The following MYO6 variants were observed in gnomAD, a reference collection of about 807,000 sequenced individuals.
The protein encoded by MYO6 is myosin VI, also known as unconventional myosin-VI.
In MYO6, 74 loss-of-function variants were observed where a neutral mutation model predicts 178.7. The ratio of observed to expected loss-of-function variants is 0.41; its 90% confidence interval spans 0.34 to 0.50. MYO6 has a LOEUF of 0.50. MYO6 is among the 20% of genes least tolerant of loss of function. The pLI is 0.09. For synonymous variants in MYO6, 477 were observed against 504.6 expected, an observed-to-expected ratio of 0.95 and a Z score of 0.73; for missense variants, 1,330 against 1,547.4, an observed-to-expected ratio of 0.86 and a Z score of 2.36.
At chr6:75,776,004 A>G (rs1368404456) in intron 1 of MYO6, among the ~76,000 whole-genome samples, 1 of 152,160 alleles carries the variant, frequency 6.6e-6, no homozygotes, top group Non-Finnish European at 1.5e-5. Flanking sequence ...TTCAAAATGG[A>G]GTTCCTGTGT....
At chr6:75,756,862 T>G (rs908537916) in intron 1 of MYO6, among the ~76,000 whole-genome samples, 1 of 149,564 alleles carries the variant, frequency 6.7e-6, no homozygotes, top group Non-Finnish European at 1.5e-5. Flanking sequence ...TAGATACTAA[T>G]GTGGAAAGAG....
intron 33 of MYO6, 28 bp from the exon 34 acceptor site, chr6:75,914,035 G>T (rs1419666967): frequency 3.2e-5 from 52 of 1,609,236 alleles, no homozygotes; most frequent in Non-Finnish European, 4.4e-5. Context: ...TGAGCTGCTG[G>T]TATAACTTTC....
At chr6:75,823,667 C>A (rs1772139513) in intron 3 of MYO6, among the ~76,000 whole-genome samples, 1 of 152,140 alleles carries the variant, frequency 6.6e-6, no homozygotes. Context: ...ATAAAACCCC[C>A]ATATGTAGAA....
At chr6:75,758,855 AATAC>A (rs1229516106) in intron 1 of MYO6, among the ~76,000 whole-genome samples, 2 of 151,844 alleles carry the variant, frequency 1.3e-5, no homozygotes, top group African/African-American at 4.8e-5. Flanking sequence ...AAAATGTATA[AATAC>A]ATGTTTGTAT....
At chr6:75,804,119 C>G (rs1769760249) in intron 1 of MYO6, among the ~76,000 whole-genome samples, 3 of 152,196 alleles carry the variant, frequency 2.0e-5, no homozygotes, top group Non-Finnish European at 4.4e-5. Flanking sequence ...GCTTTGAACT[C>G]TTGGACTCAA....
chr6:75,810,454 CT>C (rs1172793941), intron 1 of MYO6, among the ~76,000 whole-genome samples: 1 of 152,108 alleles, frequency 6.6e-6, no homozygotes, highest in Non-Finnish European at 1.5e-5. Flanking sequence ...TTTTGTCAGT[CT>C]TATGATCTCT....
rs754729803 is a variant in MYO6 at position 75,857,243 on chromosome 6, T to C, written c.1370T>C (p.Ile457Thr). ...TCCTATTTTATTGGAGTCCTAGATA[T>C]TGCTGGTTTTGGTAAGTAGAGTTTC... ...TSSYFIGVLDIAGFEYFEHNS... is the reference protein window; with the variant it reads ...TSSYFIGVLDTAGFEYFEHNS... Residue 457 changes from isoleucine to threonine, a missense_variant, in exon 13 of 35, where the codon ATT becomes ACT. Around this residue, in one of 3 missense-constraint regions of MYO6, gnomAD observed 613 missense variants for 816.8 expected, o/e 0.75. Transcript: ENST00000369977. 2 of 1,613,736 alleles carry C rather than the reference T, an allele frequency of 1.2e-6. No homozygotes were observed. Among genetic ancestry groups the C allele is most frequent in the South Asian group, 2.2e-5 (2 of 91,072 alleles).
intron 1 of MYO6, among the ~76,000 whole-genome samples, chr6:75,796,629 CTT>C (rs143090177): frequency 6.3e-4 from 84 of 132,352 alleles, no homozygotes; most frequent in Admixed American, 7.7e-4. Context: ...TGACTCCCAT[CTT>C]TTTTTTTTTT....
intron 1 of MYO6, among the ~76,000 whole-genome samples, chr6:75,787,730 CTA>C (rs1172801367): frequency 0.014 from 165 of 11,622 alleles, 6 homozygotes; most frequent in East Asian, 0.018. Flanking sequence ...CTCTCTCTCT[CTA>C]TATATATATA....
intron 2 of MYO6, among the ~76,000 whole-genome samples, chr6:75,820,512 G>A (rs2150177412): frequency 6.6e-6 from 1 of 152,174 alleles, no homozygotes; most frequent in East Asian, 1.9e-4. Context: ...TGGGATTACA[G>A]GTGCCCACCA....
At chr6:75,910,122 A>G (rs1780653709) in intron 32 of MYO6, among the ~76,000 whole-genome samples, 2 of 152,042 alleles carry the variant, frequency 1.3e-5, no homozygotes, top group Admixed American at 6.6e-5. Context: ...CCAGTTTCAT[A>G]TTTTTCCTCT....
intron 7 of MYO6, among the ~76,000 whole-genome samples, chr6:75,836,324 CT>C (rs1407888704): frequency 2.0e-5 from 3 of 152,170 alleles, no homozygotes; most frequent in African/African-American, 7.2e-5. Context: ...GCATTAGGTG[CT>C]TTTTTAGAGA....
chr6:75,826,007 G>T (rs1330078670), intron 3 of MYO6, among the ~76,000 whole-genome samples: 1 of 152,158 alleles, frequency 6.6e-6, no homozygotes, highest in Non-Finnish European at 1.5e-5. Context: ...AAGGTAAACA[G>T]TTTACATAAA....
At chr6:75,852,910 G>C (rs1175898147) in intron 11 of MYO6, among the ~76,000 whole-genome samples, 2 of 152,152 alleles carry the variant, frequency 1.3e-5, no homozygotes, top group African/African-American at 4.8e-5. Flanking sequence ...ACCTTTTGAG[G>C]AACTGTCAGA....
chr6:75,839,523 A>T (rs191821918), intron 7 of MYO6, among the ~76,000 whole-genome samples: 161 of 152,206 alleles, frequency 1.1e-3, no homozygotes, highest in African/African-American at 3.6e-3. Context: ...CATGCTTCAT[A>T]AAAAAAATTT....
intron 30 of MYO6, 79 bp from the exon 31 acceptor site, chr6:75,907,526 T>G: frequency 3.6e-6 from 4 of 1,124,586 alleles, no homozygotes; most frequent in Non-Finnish European, 5.4e-6. Context: ...TTCAAACTTA[T>G]GCATGCTTTC....
At chr6:75,866,855 G>T (rs1776747431) in intron 17 of MYO6, 77 bp from the exon 18 acceptor site, 1 of 1,483,140 alleles carries the variant, frequency 6.7e-7, no homozygotes, top group Non-Finnish European at 9.4e-7. Flanking sequence ...ATCACAGAAA[G>T]TTCCTTTGGA....
intron 11 of MYO6, among the ~76,000 whole-genome samples, chr6:75,854,763 C>T (rs1008773253): frequency 4.6e-5 from 7 of 152,058 alleles, no homozygotes; most frequent in African/African-American, 1.7e-4. Flanking sequence ...TAAAATTACT[C>T]CTTGAAATTT....
chr6:75,774,928 G>A (rs1262929356), intron 1 of MYO6, among the ~76,000 whole-genome samples: 1 of 151,916 alleles, frequency 6.6e-6, no homozygotes, highest in Non-Finnish European at 1.5e-5. Flanking sequence ...CGAGTAGCTG[G>A]GATTGCAGGC....
Sources: allele counts gnomAD v4.1 joint callset (sites outside exome capture counted in the v4.1 genomes callset), GRCh38; gene constraint gnomAD v4.1.1; regional missense constraint gnomAD v4.1.1; transcripts MANE v1.5; gene names NCBI Gene and HGNC (gene_info 2026-07-23, HGNC 2026-07-21).